The following SEM1 variants were observed in gnomAD, a reference collection of about 807,000 sequenced individuals.
SEM1 encodes the protein SEM1 26S proteasome subunit, also known as 26S proteasome complex subunit SEM1.
SEM1 carries 3 observed loss-of-function variants against 12.7 expected under a neutral mutation model. The observed-to-expected ratio is 0.24, with a 90% CI of 0.11 to 0.61. The LOEUF is 0.61. Among genes scored for constraint, SEM1 ranks in the 20% least tolerant of loss-of-function variants. SEM1 has a pLI of 0.88. For synonymous variants in SEM1, 30 were observed against 27.8 expected, an observed-to-expected ratio of 1.08 and a Z score of -0.25; for missense variants, 59 against 81.3, an observed-to-expected ratio of 0.73 and a Z score of 1.06.
At chr7:96,701,807 G>A (rs1213009943) in intron 1 of SEM1, among the ~76,000 whole-genome samples, 1 of 152,034 alleles carries the variant, frequency 6.6e-6, no homozygotes, top group Non-Finnish European at 1.5e-5. Flanking sequence ...TGAGGGAAAA[G>A]GTGAACTGTA....
At chr7:96,624,561 C>A (rs779948268) in intron 2 of SEM1, among the ~76,000 whole-genome samples, 1 of 152,038 alleles carries the variant, frequency 6.6e-6, no homozygotes, top group Admixed American at 6.5e-5. Flanking sequence ...TAAATTCAGA[C>A]AATTGTTATG....
intron 2 of SEM1, among the ~76,000 whole-genome samples, chr7:96,643,640 T>C (rs1186389833): frequency 6.6e-6 from 1 of 151,928 alleles, no homozygotes; most frequent in East Asian, 1.9e-4. Flanking sequence ...AAAGGACGAG[T>C]TCACATCCTT....
chr7:96,690,197 C>G (rs917401501), intron 2 of SEM1, among the ~76,000 whole-genome samples: 3 of 151,996 alleles, frequency 2.0e-5, no homozygotes, highest in African/African-American at 7.2e-5. Context: ...TTACAACTTT[C>G]TTAAACCTTA....
intron 2 of SEM1, among the ~76,000 whole-genome samples, chr7:96,541,489 C>T (rs112828599): frequency 0.025 from 3,448 of 137,422 alleles, 154 homozygotes; most frequent in African/African-American, 0.09. Context: ...TTATAGATTC[C>T]GAATATTAGA....
chr7:96,484,498 G>A (rs1464597487), intron 3 of SEM1, among the ~76,000 whole-genome samples: 1 of 152,204 alleles, frequency 6.6e-6, no homozygotes, highest in Admixed American at 6.5e-5. Flanking sequence ...CTCTAAGTCA[G>A]TAAATACCTG....
intron 2 of SEM1, among the ~76,000 whole-genome samples, chr7:96,612,498 A>T (rs1212746394): frequency 6.6e-6 from 1 of 152,204 alleles, no homozygotes; most frequent in Non-Finnish European, 1.5e-5. Flanking sequence ...AAAGGTTCCC[A>T]AACCAGCTGC....
intron 2 of SEM1, among the ~76,000 whole-genome samples, chr7:96,565,349 G>A (rs571710792): frequency 2.0e-3 from 310 of 151,986 alleles, no homozygotes; most frequent in Non-Finnish European, 3.3e-3. Flanking sequence ...TTACTTGTAG[G>A]TTGGAAGATT....
chr7:96,485,495 C>A (rs2117197573), intron 2 of SEM1, among the ~76,000 whole-genome samples: 1 of 151,730 alleles, frequency 6.6e-6, no homozygotes, highest in South Asian at 2.1e-4. Context: ...TTGCTTTGGG[C>A]CCACCTAAAT....
intron 3 of SEM1, among the ~76,000 whole-genome samples, chr7:96,502,189 T>G (rs1355579078): frequency 6.6e-6 from 1 of 152,150 alleles, no homozygotes; most frequent in Non-Finnish European, 1.5e-5. Context: ...ATCTCCAGTT[T>G]AAAGTAAGCT....
chr7:96,502,802 A>G (rs1228523694), intron 3 of SEM1, among the ~76,000 whole-genome samples: 1 of 152,212 alleles, frequency 6.6e-6, no homozygotes, highest in Non-Finnish European at 1.5e-5. Context: ...CATGTAAGGC[A>G]TTGTGCTTGG....
At chr7:96,567,868 G>A (rs76919042) in intron 2 of SEM1, among the ~76,000 whole-genome samples, 5,635 of 150,810 alleles carry the variant, frequency 0.037, 339 homozygotes, top group African/African-American at 0.13. Flanking sequence ...GATTCTGTTG[G>A]CTAATATATT....
intron 2 of SEM1, among the ~76,000 whole-genome samples, chr7:96,667,572 A>T (rs752600240): frequency 7.9e-5 from 12 of 152,272 alleles, no homozygotes; most frequent in Non-Finnish European, 1.3e-4. Flanking sequence ...TAGCTTTTGG[A>T]TATATGAATG....
intron 2 of SEM1, among the ~76,000 whole-genome samples, chr7:96,589,495 C>T (rs1806759998): frequency 1.3e-5 from 2 of 152,116 alleles, no homozygotes; most frequent in South Asian, 2.1e-4. Context: ...TTCAAAGCAC[C>T]TGGCAGTCCC....
chr7:96,700,397 CTCGGGGTACTTGT>C (rs1410549656), intron 1 of SEM1, among the ~76,000 whole-genome samples: 1 of 152,144 alleles, frequency 6.6e-6, no homozygotes, highest in Non-Finnish European at 1.5e-5. Flanking sequence ...CCTCGGTATA[CTCGGGGTACTTGT>C]TCCAGGACAG....
chr7:96,704,002 CACACACACAT>C (rs1010435095), intron 1 of SEM1, among the ~76,000 whole-genome samples: 3 of 148,934 alleles, frequency 2.0e-5, no homozygotes, highest in South Asian at 2.1e-4. Context: ...CACACACACA[CACACACACAT>C]ACATAAAAGA....
chr7:96,703,527 T>G (rs1790336571), intron 1 of SEM1, among the ~76,000 whole-genome samples: 1 of 152,166 alleles, frequency 6.6e-6, no homozygotes, highest in African/African-American at 2.4e-5. Flanking sequence ...GAGTTTATCT[T>G]ATAGATTAGC....
intron 2 of SEM1, among the ~76,000 whole-genome samples, chr7:96,553,017 C>A (rs1805339181): frequency 6.6e-6 from 1 of 151,810 alleles, no homozygotes; most frequent in Admixed American, 6.6e-5. Flanking sequence ...CTGTTCATGT[C>A]CTTCACCCAC....
chr7:96,562,512 C>T (rs1338060786), intron 2 of SEM1, among the ~76,000 whole-genome samples: 2 of 152,112 alleles, frequency 1.3e-5, no homozygotes, highest in Non-Finnish European at 2.9e-5. Context: ...AAGCGCTACG[C>T]TAAAAATTAA....
At chr7:96,695,622 T>G (rs1005914089) in intron 1 of SEM1, 1 of 151,832 alleles carries the variant, frequency 6.6e-6, no homozygotes, top group Non-Finnish European at 1.5e-5. Context: ...TAAGGAGTCT[T>G]TATAAAGATG....
Sources: allele counts gnomAD v4.1 joint callset (sites outside exome capture counted in the v4.1 genomes callset), GRCh38; gene constraint gnomAD v4.1.1; transcripts MANE v1.5; gene names NCBI Gene and HGNC (gene_info 2026-07-23, HGNC 2026-07-21).